Variants in SMARCA5 observed in about 807,000 individuals in gnomAD.
The protein encoded by SMARCA5 is SWI/SNF-related matrix-associated actin-dependent regulator of chromatin subfamily A member 5.
In SMARCA5, 18 loss-of-function variants were observed where a neutral mutation model predicts 140.4. The observed-to-expected ratio is 0.13, with a 90% confidence interval of 0.09 to 0.19. The LOEUF (loss-of-function observed/expected upper bound fraction) is 0.19. SMARCA5 is among the 10% of genes least tolerant of loss of function. SMARCA5 has a pLI of 1.00. For synonymous variants in SMARCA5, 449 were observed against 419.6 expected (o/e 1.07, Z -0.86); for missense variants, 606 against 1,276.8 (o/e 0.47, Z 8.01).
At chr4:143,546,679 G>A in intron 19 of SMARCA5, 97 bp from the exon 20 acceptor site, 2 of 1,177,552 alleles carry the variant, frequency 1.7e-6, no homozygotes, top group South Asian at 1.6e-5. Context: ...ATAAACTAGT[G>A]AAAATTTGTT....
chr4:143,540,588 TC>T, intron 14 of SMARCA5, 93 bp downstream of exon 14: 1 of 1,167,320 alleles, frequency 8.6e-7, no homozygotes, highest in Non-Finnish European at 1.2e-6. Flanking sequence ...TTACTAAGCA[TC>T]CATTGAGTCA....
chr4:143,531,966 C>T (rs534385688), intron 9 of SMARCA5, among the ~76,000 whole-genome samples: 4 of 152,276 alleles, frequency 2.6e-5, no homozygotes, highest in Admixed American at 2.6e-4. Flanking sequence ...TATTATAGGA[C>T]TTTGCAGAGG....
intron 22 of SMARCA5, 27 bp from the exon 23 acceptor site, chr4:143,549,970 C>G: frequency 8.0e-7 from 1 of 1,250,536 alleles, no homozygotes; most frequent in East Asian, 2.4e-5. Flanking sequence ...ATGGAAAGTG[C>G]GTGTACCATG....
chr4:143,526,167 T>G (rs1578794455), intron 5 of SMARCA5, 114 bp from the exon 6 acceptor site: 1 of 850,104 alleles, frequency 1.2e-6, no homozygotes, highest in East Asian at 2.5e-5. Flanking sequence ...TGCCATTTAT[T>G]AACTGTTATA....
intron 4 of SMARCA5, among the ~76,000 whole-genome samples, chr4:143,525,148 A>G (rs1486475263): frequency 6.6e-6 from 1 of 150,918 alleles, no homozygotes; most frequent in Non-Finnish European, 1.5e-5. Context: ...TTGGTTTTTC[A>G]TTAAAAAGAC....
rs1736759499 is a variant in SMARCA5, at chr4:143,513,933, C to T, written c.9C>T (p.Ser3=). 1 of 1,544,290 alleles carries T rather than the reference C, an allele frequency of 6.5e-7. No homozygotes were observed. The highest frequency in any genetic ancestry group is 8.7e-7 in the Non-Finnish European group (1 of 1,152,076). MS[S]AAEPPPPPPP... is the part of the protein sequence containing the mutation. The stretch of plus-strand genomic sequence containing the variant: ...GACGCAGACGGAACATCATGTCGTC[C>T]GCGGCCGAGCCTCCGCCACCCCCGC... Residue 3 remains serine, a synonymous_variant, in exon 1 of 24, where the codon TCC becomes TCT. Transcript: ENST00000283131.
rs148231042 is a variant in SMARCA5, at chr4:143,522,464, A to G, written c.419+869A>G. Among the ~76,000 whole-genome samples, 193 of 152,370 alleles carry G rather than the reference A, an allele frequency of 1.3e-3. 1 individual carries two copies. Among genetic ancestry groups the G allele is most frequent in the African/African-American group, 4.0e-3 (165 of 41,596 alleles). ...ATACAAAAGATTGTTTAAAAGAAGAAGTATCAACAAGGTTAAATTCACTAC... is the reference window on the plus strand; with the variant it reads ...ATACAAAAGATTGTTTAAAAGAAGAGGTATCAACAAGGTTAAATTCACTAC... On this transcript the variant is annotated intron_variant, in intron 3 of 23. Coordinates refer to ENST00000283131, the MANE Select transcript of SMARCA5 (RefSeq NM_003601.4).
chr4:143,519,525 A>G (rs1736911806), intron 2 of SMARCA5, among the ~76,000 whole-genome samples: 1 of 151,912 alleles, frequency 6.6e-6, no homozygotes, highest in East Asian at 1.9e-4. Context: ...AATGCTTTTC[A>G]TTTTCTTAGT....
At chr4:143,525,756 A>C (rs890223860) in intron 5 of SMARCA5, among the ~76,000 whole-genome samples, 3 of 152,238 alleles carry the variant, frequency 2.0e-5, no homozygotes, top group Admixed American at 1.3e-4. Context: ...ATTTAAAAAG[A>C]ATACATTTGA....
chr4:143,553,212 T>C lies in SMARCA5; in HGVS notation c.*28T>C, dbSNP rs765953846. 2.0e-6 allele frequency: 3 copies of C among 1,484,938 alleles called. 1 individual carries two copies. In the South Asian group the frequency reaches 3.4e-5, roughly 17 times the overall value. The allele number at this position is 1,484,938 out of a possible 1,614,324, so 92.0% of individuals were successfully genotyped here. A position where few individuals can be genotyped will look rare whatever the true frequency, so the allele number is the denominator to read the frequency against. Reference sequence around the variant, plus strand: ...ATGTTTTTGTTTCATAATCACTAACTTTAAACCAGTAGTTCTTTAATTTAC... The same window carrying C: ...ATGTTTTTGTTTCATAATCACTAACCTTAAACCAGTAGTTCTTTAATTTAC... On this transcript the variant is annotated 3_prime_UTR_variant, in exon 24 of 24. Coordinates refer to ENST00000283131, the MANE Select transcript of SMARCA5 (RefSeq NM_003601.4).
Position 143,548,080 on chromosome 4 carries a change from G to C in SMARCA5, c.2925G>C (p.Gln975His). 1 of 1,612,794 alleles carries C rather than the reference G, an allele frequency of 6.2e-7. No individual in the cohort carries two copies. Among genetic ancestry groups the C allele is most frequent in the African/African-American group, 1.3e-5 (1 of 74,998 alleles). ...DKENVYDELR[Q>H]CIRNSPQFRF... is the part of the protein sequence containing the mutation. ...AAAATGTTTATGATGAATTGCGACAGTGTATTCGCAACTCTCCTCAGTTCA... is the reference window on the plus strand; with the variant it reads ...AAAATGTTTATGATGAATTGCGACACTGTATTCGCAACTCTCCTCAGTTCA... The change falls in exon 22 of 24, where the codon CAG becomes CAC. Residue 975 changes from glutamine (Q) to histidine (H), a missense_variant. Physicochemically the swap from Gln to His is conservative, Grantham distance 24 (BLOSUM62 0). This residue lies in a region of SMARCA5 where 121 missense variants were observed against 227.1 expected (regional missense o/e 0.53). Transcript: ENST00000283131.
chr4:143,539,886 G>A (rs1737394885), intron 13 of SMARCA5, among the ~76,000 whole-genome samples: 1 of 152,070 alleles, frequency 6.6e-6, no homozygotes, highest in African/African-American at 2.4e-5. Flanking sequence ...AGGGGAAAAT[G>A]GACCAATTAT....
chr4:143,526,964 T>C (rs1187011060), intron 6 of SMARCA5, among the ~76,000 whole-genome samples: 3 of 152,182 alleles, frequency 2.0e-5, no homozygotes, highest in Non-Finnish European at 4.4e-5. Flanking sequence ...ATAAAATCAT[T>C]GGTTGTGCTC....
chr4:143,541,708 A>G (rs530826286), intron 14 of SMARCA5, among the ~76,000 whole-genome samples: 6 of 152,160 alleles, frequency 3.9e-5, no homozygotes, highest in Non-Finnish European at 8.8e-5. Context: ...TTTAATTAGA[A>G]AAGTCTCTGG....
intron 14 of SMARCA5, among the ~76,000 whole-genome samples, chr4:143,541,497 C>T (rs768548475): frequency 6.6e-6 from 1 of 152,088 alleles, no homozygotes; most frequent in Non-Finnish European, 1.5e-5. Flanking sequence ...TTTTACAAAT[C>T]GTTTCCCTTA....
rs1304441809 is a variant in SMARCA5 at position 143,547,572 on chromosome 4, T to C, written c.2772+69T>C. On this transcript the variant is annotated intron_variant, in intron 21 of 23. Transcript: ENST00000283131. ...CTAGCTGTGAGTATGAGAGAGTGAC[T>C]TTTTATAAAGGAAAAGAAGTAAGGG... 27 of 820,790 alleles carry C rather than the reference T, an allele frequency of 3.3e-5. No homozygotes were observed. The South Asian group carries it at 3.8e-4, about 12-fold the overall frequency. The allele number at this position is 820,790 out of a possible 1,614,324, so 50.8% of individuals were successfully genotyped here.
intron 5 of SMARCA5, 94 bp from the exon 6 acceptor site, chr4:143,526,187 C>T (rs970800030): frequency 7.1e-6 from 7 of 988,416 alleles, no homozygotes; most frequent in Non-Finnish European, 1.1e-5. Context: ...AAATATGTAG[C>T]ATTTCTTTTG....
chr4:143,533,498 C>CTTTTTTT lies in SMARCA5; in HGVS notation c.1159-1336_1159-1330dup, dbSNP rs10580434. On this transcript the variant is annotated intron_variant, in intron 9 of 23. Transcript: ENST00000283131. The stretch of plus-strand genomic sequence containing the variant: ...GATCTTAATGAGACCCTTGTCCATT[C>CTTTTTTT]TTTTTTTTTTTTTTTTTTTTTTTTT... Among the ~76,000 whole-genome samples, 22 of 127,544 alleles carry CTTTTTTT rather than the reference C, an allele frequency of 1.7e-4. 2 individuals are homozygous for CTTTTTTT. The highest frequency in any genetic ancestry group is 5.4e-4 in the African/African-American group (18 of 33,460). 83.7% of individuals were successfully genotyped at this position (127,544 alleles called of 152,430 possible). A position where few individuals can be genotyped will look rare whatever the true frequency, so the allele number is the denominator to read the frequency against.
chr4:143,527,591 T>C (rs550331846), intron 6 of SMARCA5, among the ~76,000 whole-genome samples: 3 of 152,334 alleles, frequency 2.0e-5, no homozygotes, highest in African/African-American at 4.8e-5. Flanking sequence ...AATTTCCCGA[T>C]CTAGTGGAAT....
Sources: gnomAD v4.1 joint callset for allele counts (sites outside exome capture counted in the v4.1 genomes callset) on GRCh38, gnomAD v4.1.1 for gene constraint, gnomAD v4.1.1 regional missense constraint, MANE v1.5 for transcripts, NCBI Gene and HGNC (gene_info 2026-07-23, HGNC 2026-07-21) for gene names.